Variants in CDH12 observed in about 807,000 individuals in gnomAD.
CDH12 encodes the protein cadherin-12.
Under a neutral mutation model 74.1 loss-of-function variants are expected in CDH12, and 41 were observed. The ratio of observed to expected loss-of-function variants is 0.55; its 90% confidence interval spans 0.43 to 0.72. CDH12 has a LOEUF of 0.72. Among genes scored for constraint, CDH12 ranks in the 30% least tolerant of loss-of-function variants. CDH12 has a pLI of 0.00. For synonymous variants in CDH12, 399 were observed against 355.0 expected (o/e 1.12, Z -1.39); for missense variants, 945 against 977.2 (o/e 0.97, Z 0.44).
At chr5:22,301,345 C>A (rs557059121) in intron 3 of CDH12, among the ~76,000 whole-genome samples, 1 of 152,194 alleles carries the variant, frequency 6.6e-6, no homozygotes, top group South Asian at 2.1e-4. Flanking sequence ...AAGGCCAATC[C>A]CAAACTAATA....
intron 1 of CDH12, among the ~76,000 whole-genome samples, chr5:22,827,486 G>A (rs375313323): frequency 1.2e-4 from 18 of 152,152 alleles, no homozygotes; most frequent in East Asian, 3.9e-4. Context: ...GAAGGGAAAC[G>A]GGGGTGGGAG....
At chr5:22,307,193 C>A (rs1561299622) in intron 3 of CDH12, among the ~76,000 whole-genome samples, 1 of 152,192 alleles carries the variant, frequency 6.6e-6, no homozygotes, top group African/African-American at 2.4e-5. Context: ...CCCACTTTGA[C>A]TGCTCCCAAA....
chr5:22,274,446 G>C (rs1736533348), intron 3 of CDH12, among the ~76,000 whole-genome samples: 1 of 152,020 alleles, frequency 6.6e-6, no homozygotes, highest in Middle Eastern at 3.2e-3. Flanking sequence ...TGACATAAAT[G>C]ATGACTGAAG....
rs1010678851 is a variant in CDH12 at position 21,804,695 on chromosome 5, T to C, written c.1003-2275A>G. On this transcript the variant is annotated intron_variant, in intron 9 of 14. Coordinates refer to ENST00000382254, the MANE Select transcript of CDH12 (RefSeq NM_004061.5). ...ACACACACACACACACACACACACA[T>C]AGATGTTTTACGTGGTGGCAAGGCT... Among the ~76,000 whole-genome samples, 733 of 126,938 alleles carry C rather than the reference T, an allele frequency of 5.8e-3. 4 individuals carry two copies. The highest frequency in any genetic ancestry group is 8.0e-3 in the Non-Finnish European group (465 of 58,312). 83.3% of individuals were successfully genotyped at this position (126,938 alleles called of 152,430 possible). A position where few individuals can be genotyped will look rare whatever the true frequency, so the allele number is the denominator to read the frequency against.
At chr5:21,876,921 C>T (rs1751969024) in intron 6 of CDH12, among the ~76,000 whole-genome samples, 2 of 152,112 alleles carry the variant, frequency 1.3e-5, no homozygotes, top group Admixed American at 6.6e-5. Context: ...TTTCAGGCCA[C>T]ATGCCACTGG....
At chr5:22,356,144 A>G (rs1256501579) in intron 3 of CDH12, among the ~76,000 whole-genome samples, 12 of 152,180 alleles carry the variant, frequency 7.9e-5, no homozygotes, top group Non-Finnish European at 1.8e-4. Flanking sequence ...TCAAAAATGC[A>G]TTCATTTTAA....
At chr5:22,393,266 G>A (rs941957509) in intron 3 of CDH12, among the ~76,000 whole-genome samples, 3 of 152,196 alleles carry the variant, frequency 2.0e-5, no homozygotes, top group Admixed American at 6.5e-5. Flanking sequence ...AAAAGGAAAC[G>A]TTAGAGTGAA....
At chr5:21,844,371 C>G (rs1174021025) in intron 7 of CDH12, among the ~76,000 whole-genome samples, 1 of 151,884 alleles carries the variant, frequency 6.6e-6, no homozygotes, top group Non-Finnish European at 1.5e-5. Flanking sequence ...ATACACATAA[C>G]TACATTATTT....
At chr5:22,363,199 T>A (rs939324540) in intron 3 of CDH12, among the ~76,000 whole-genome samples, 3 of 152,114 alleles carry the variant, frequency 2.0e-5, no homozygotes, top group African/African-American at 7.2e-5. Flanking sequence ...AGTAAAATAA[T>A]TAAGATGTAA....
intron 1 of CDH12, among the ~76,000 whole-genome samples, chr5:22,627,666 C>T (rs567624280): frequency 2.1e-4 from 32 of 152,182 alleles, no homozygotes; most frequent in African/African-American, 7.2e-4. Context: ...CACAATAAAG[C>T]AACTACACCA....
intron 2 of CDH12, among the ~76,000 whole-genome samples, chr5:22,504,584 T>A: frequency 6.6e-6 from 1 of 152,056 alleles, no homozygotes. Flanking sequence ...GACTACAGCC[T>A]AAGTAAGGGT....
intron 10 of CDH12, among the ~76,000 whole-genome samples, chr5:21,798,241 A>T (rs904686173): frequency 1.0e-4 from 12 of 117,296 alleles, no homozygotes; most frequent in African/African-American, 3.7e-4. Flanking sequence ...ATTTGAATGT[A>T]TATGTGGATG....
chr5:22,372,660 C>T (rs764165906), intron 3 of CDH12, among the ~76,000 whole-genome samples: 1 of 152,122 alleles, frequency 6.6e-6, no homozygotes, highest in Non-Finnish European at 1.5e-5. Context: ...AATGATGCTT[C>T]GGGCTGTTGT....
At chr5:22,850,422 C>T (rs1737497530) in intron 1 of CDH12, among the ~76,000 whole-genome samples, 2 of 151,970 alleles carry the variant, frequency 1.3e-5, no homozygotes, top group South Asian at 4.1e-4. Flanking sequence ...AAATAAAAAG[C>T]TCCCAGTAAA....
intron 1 of CDH12, among the ~76,000 whole-genome samples, chr5:22,635,064 AT>A (rs1738770200): frequency 6.6e-6 from 1 of 152,126 alleles, no homozygotes; most frequent in South Asian, 2.1e-4. Context: ...GGAGAAACAA[AT>A]TTAGAGGATT....
intron 3 of CDH12, among the ~76,000 whole-genome samples, chr5:22,342,559 C>A (rs1739901239): frequency 1.1e-5 from 1 of 93,626 alleles, no homozygotes; most frequent in South Asian, 4.7e-4. Context: ...CTCCTCCCTT[C>A]CTTCCTCCCT....
chr5:22,380,267 T>C (rs1005883513), intron 3 of CDH12, among the ~76,000 whole-genome samples: 1 of 152,188 alleles, frequency 6.6e-6, no homozygotes, highest in African/African-American at 2.4e-5. Flanking sequence ...CAACCTCCAC[T>C]GGGGACTTTT....
intron 2 of CDH12, among the ~76,000 whole-genome samples, chr5:22,435,556 C>T (rs1053029563): frequency 1.3e-5 from 2 of 150,874 alleles, no homozygotes; most frequent in Admixed American, 6.6e-5. Context: ...TTCAGTCCCT[C>T]TAGAGAATCC....
rs144040631 is a variant in CDH12, at chr5:22,717,946, CTG to C, written c.-523+135110_-523+135111del. 8.9e-3 allele frequency among the ~76,000 whole-genome samples: 1,357 copies of C among 152,196 alleles called. 18 individuals are homozygous for C. The highest frequency in any genetic ancestry group is 0.031 in the African/African-American group (1,291 of 41,560). ...AAAAGCATCTTCTGTAGCTAGAATTCTGTTTTAATTGAGATAATTTTCTGTCT... is the reference window on the plus strand; with the variant it reads ...AAAAGCATCTTCTGTAGCTAGAATTCTTTTAATTGAGATAATTTTCTGTCT... On this transcript the variant is annotated intron_variant, in intron 1 of 14. Coordinates refer to ENST00000382254, the MANE Select transcript of CDH12 (RefSeq NM_004061.5).
Sources: allele counts gnomAD v4.1 joint callset (sites outside exome capture counted in the v4.1 genomes callset), GRCh38; gene constraint gnomAD v4.1.1; transcripts MANE v1.5; gene names NCBI Gene and HGNC (gene_info 2026-07-23, HGNC 2026-07-21).